Variants in COL5A2 observed in about 807,000 individuals in gnomAD.
COL5A2 encodes collagen alpha-2(V) chain.
COL5A2 carries 23 observed loss-of-function variants against 208.2 expected under a neutral mutation model. The observed-to-expected ratio is 0.11, with a 90% CI of 0.08 to 0.16. The LOEUF is 0.16. Ranked by LOEUF, COL5A2 falls within the 10% of genes least tolerant of loss-of-function variation. The pLI, the probability that COL5A2 is intolerant of heterozygous loss-of-function variation, is 1.00. For missense variants in COL5A2, 1,590 were observed against 1,956.4 expected (o/e 0.81, Z 3.53); for synonymous variants, 625 against 628.5 (o/e 0.99, Z 0.08).
At chr2:189,316,249 A>G in the COL5A2 span, among the ~76,000 whole-genome samples, 2 of 152,206 alleles carry the variant, frequency 1.3e-5, no homozygotes, top group Admixed American at 1.3e-4. Context: ...AAAATGTGGT[A>G]CATATATACC....
intron 1 of COL5A2, among the ~76,000 whole-genome samples, chr2:189,223,419 A>G (rs1004746037): frequency 6.6e-6 from 1 of 152,140 alleles, no homozygotes; most frequent in Non-Finnish European, 1.5e-5. Flanking sequence ...TGAACACTAG[A>G]CCAAGCTAGG....
chr2:189,097,119 G>T (rs370846080), intron 6 of COL5A2, among the ~76,000 whole-genome samples, 158 bp downstream of exon 6: 3 of 152,236 alleles, frequency 2.0e-5, no homozygotes, highest in African/African-American at 7.2e-5. Context: ...TATCATTTGT[G>T]TTATCTAATA....
the COL5A2 span, among the ~76,000 whole-genome samples, chr2:189,411,387 G>A: frequency 3.9e-4 from 59 of 152,176 alleles, no homozygotes; most frequent in African/African-American, 1.3e-3. Context: ...CAATACCTGA[G>A]ATAGAATCTC....
At chr2:189,245,921 G>C in the COL5A2 span, among the ~76,000 whole-genome samples, 1 of 152,142 alleles carries the variant, frequency 6.6e-6, no homozygotes, top group Admixed American at 6.5e-5. Flanking sequence ...GGTATATGAT[G>C]TTGAACTATT....
At chr2:189,130,708 TTTCCA>T (rs1274920714) in intron 1 of COL5A2, among the ~76,000 whole-genome samples, 1 of 151,898 alleles carries the variant, frequency 6.6e-6, no homozygotes, top group African/African-American at 2.4e-5. Flanking sequence ...CACAGATAAG[TTTCCA>T]TTCCATTTTA....
At chr2:189,078,325 G>T (rs989908244) in intron 16 of COL5A2, among the ~76,000 whole-genome samples, 191 bp downstream of exon 16, 1 of 151,678 alleles carries the variant, frequency 6.6e-6, no homozygotes, top group Non-Finnish European at 1.5e-5. Flanking sequence ...GCAAAGGGAA[G>T]GTTGTTCAAG....
the COL5A2 span, among the ~76,000 whole-genome samples, chr2:189,407,864 A>G: frequency 2.0e-5 from 3 of 152,172 alleles, no homozygotes; most frequent in African/African-American, 7.2e-5. Flanking sequence ...GGAAATGAGA[A>G]TTTCTCTGTT....
chr2:189,229,565 A>G (rs1011510140), upstream of COL5A2, among the ~76,000 whole-genome samples: 4 of 151,874 alleles, frequency 2.6e-5, no homozygotes, highest in Non-Finnish European at 5.9e-5. Context: ...GAAATTAGGA[A>G]AACAATCCCA....
chr2:189,145,409 T>C (rs1328674281), intron 1 of COL5A2, among the ~76,000 whole-genome samples: 4 of 152,160 alleles, frequency 2.6e-5, no homozygotes, highest in African/African-American at 9.7e-5. Flanking sequence ...AAATATACTA[T>C]AATTCCCTAA....
chr2:189,269,250 A>C, the COL5A2 span, among the ~76,000 whole-genome samples: 1 of 152,134 alleles, frequency 6.6e-6, no homozygotes, highest in South Asian at 2.1e-4. Flanking sequence ...ATAGTCCCAA[A>C]CCTTCCTTCA....
chr2:189,233,622 G>A, the COL5A2 span, among the ~76,000 whole-genome samples: 2 of 151,302 alleles, frequency 1.3e-5, no homozygotes, highest in African/African-American at 4.8e-5. Flanking sequence ...TTATTCCATT[G>A]TTTTATTGTT....
chr2:189,419,418 A>G, the COL5A2 span, among the ~76,000 whole-genome samples: 1 of 152,298 alleles, frequency 6.6e-6, no homozygotes, highest in South Asian at 2.1e-4. Flanking sequence ...ATTCATCACA[A>G]TATTACAAAA....
the COL5A2 span, among the ~76,000 whole-genome samples, chr2:189,339,193 T>C: frequency 6.6e-6 from 1 of 151,838 alleles, no homozygotes; most frequent in Admixed American, 6.6e-5. Context: ...TCTACAAAAA[T>C]ACAAAAAATT....
At chr2:189,307,413 A>C in the COL5A2 span, among the ~76,000 whole-genome samples, 2 of 152,216 alleles carry the variant, frequency 1.3e-5, no homozygotes, top group Admixed American at 1.3e-4. Context: ...GGAGGTAATA[A>C]AAATTAAAAA....
chr2:189,390,379 T>C, the COL5A2 span, among the ~76,000 whole-genome samples: 2 of 152,206 alleles, frequency 1.3e-5, no homozygotes, highest in African/African-American at 2.4e-5. Flanking sequence ...GTCAAGATGA[T>C]TGAAATCTTT....
At chr2:189,104,103 A>G (rs1321650196) in intron 3 of COL5A2, among the ~76,000 whole-genome samples, 161 bp downstream of exon 3, 1 of 152,062 alleles carries the variant, frequency 6.6e-6, no homozygotes, top group African/African-American at 2.4e-5. Flanking sequence ...TGTCCTTTGG[A>G]AACACAGTAG....
At chr2:189,370,665 T>C in the COL5A2 span, among the ~76,000 whole-genome samples, 1 of 152,060 alleles carries the variant, frequency 6.6e-6, no homozygotes, top group East Asian at 1.9e-4. Flanking sequence ...ACAACATACA[T>C]AGATAATAAA....
At chr2:189,279,912 G>T in the COL5A2 span, among the ~76,000 whole-genome samples, 1 of 152,166 alleles carries the variant, frequency 6.6e-6, no homozygotes. Context: ...CCAGTGTGGT[G>T]GTATTTAGAG....
chr2:189,189,768 A>G (rs375254789), intron 1 of COL5A2, among the ~76,000 whole-genome samples: 4 of 152,170 alleles, frequency 2.6e-5, no homozygotes, highest in East Asian at 3.8e-4. Flanking sequence ...ATAAATAACA[A>G]ATACGCATTA....
Sources: gnomAD v4.1 joint callset for allele counts (sites outside exome capture counted in the v4.1 genomes callset) on GRCh38, gnomAD v4.1.1 for gene constraint, MANE v1.5 for transcripts, NCBI Gene and HGNC (gene_info 2026-07-23, HGNC 2026-07-21) for gene names.